The following CELF2 variants were observed in gnomAD, a reference collection of about 807,000 sequenced individuals.
CELF2 encodes CUG triplet repeat RNA-binding protein 2.
In CELF2, 8 loss-of-function variants were observed where a neutral mutation model predicts 62.6. The ratio of observed to expected loss-of-function variants is 0.13; its 90% CI spans 0.07 to 0.23. The LOEUF is 0.23. Among genes scored for constraint, CELF2 ranks in the 10% least tolerant of loss-of-function variants. The pLI, the probability that CELF2 is intolerant of heterozygous loss-of-function variation, is 1.00. For missense variants in CELF2, 333 were observed against 671.0 expected, an observed-to-expected ratio of 0.50 and a Z score of 5.56; for synonymous variants, 258 against 250.0, an observed-to-expected ratio of 1.03 and a Z score of -0.30.
At chr10:11,014,166 A>G (rs1227529481), upstream of CELF2, among the ~76,000 whole-genome samples, 1 of 152,208 alleles carries the variant, frequency 6.6e-6, no homozygotes, top group African/African-American at 2.4e-5. Flanking sequence ...CAAATGTGAT[A>G]GGGGAAAGAT....
intron 1 of CELF2, among the ~76,000 whole-genome samples, chr10:11,054,209 T>C (rs1365443380): frequency 6.6e-6 from 1 of 152,202 alleles, no homozygotes; most frequent in Non-Finnish European, 1.5e-5. Context: ...AGCTGATGCC[T>C]GTTTGTATAG....
chr10:10,522,273 A>T, the CELF2 span, among the ~76,000 whole-genome samples: 1 of 152,174 alleles, frequency 6.6e-6, no homozygotes, highest in African/African-American at 2.4e-5. Flanking sequence ...TTCCTGTTTT[A>T]ATTTTTTATA....
At chr10:10,897,995 G>A (rs1033709651) in intron 1 of CELF2, among the ~76,000 whole-genome samples, 2 of 152,164 alleles carry the variant, frequency 1.3e-5, no homozygotes, top group African/African-American at 2.4e-5. Flanking sequence ...TTCAGTCTTC[G>A]TGGGCTCAGA....
the CELF2 span, among the ~76,000 whole-genome samples, chr10:10,656,556 T>A: frequency 1.5e-5 from 2 of 133,462 alleles, no homozygotes; most frequent in East Asian, 2.0e-4. Context: ...AAATGATGAG[T>A]TCATGTCCTT....
chr10:10,601,501 T>C, the CELF2 span, among the ~76,000 whole-genome samples: 1 of 152,176 alleles, frequency 6.6e-6, no homozygotes, highest in Admixed American at 6.5e-5. Flanking sequence ...CCCTATGACT[T>C]TGGGCCAGGA....
At chr10:11,261,624 C>T (rs1306141248) in intron 5 of CELF2, among the ~76,000 whole-genome samples, 2 of 152,192 alleles carry the variant, frequency 1.3e-5, no homozygotes, top group East Asian at 1.9e-4. Context: ...CTTGAGGCAG[C>T]GTAGCCATAT....
the CELF2 span, among the ~76,000 whole-genome samples, chr10:10,552,118 A>T: frequency 6.6e-6 from 1 of 152,172 alleles, no homozygotes; most frequent in Non-Finnish European, 1.5e-5. Flanking sequence ...CCTCTGACAC[A>T]AGGCTTTTGT....
chr10:10,531,780 ATTGT>A, the CELF2 span, among the ~76,000 whole-genome samples: 1 of 152,184 alleles, frequency 6.6e-6, no homozygotes, highest in Non-Finnish European at 1.5e-5. Flanking sequence ...ACTTTTAGAG[ATTGT>A]TTAATTGGAA....
chr10:10,916,877 T>G (rs544974688), intron 1 of CELF2, among the ~76,000 whole-genome samples: 4 of 151,926 alleles, frequency 2.6e-5, no homozygotes, highest in Admixed American at 1.3e-4. Flanking sequence ...CCTCCCAAAG[T>G]GCTGGGATTA....
At chr10:10,897,872 C>G (rs556362231) in intron 1 of CELF2, among the ~76,000 whole-genome samples, 1 of 152,178 alleles carries the variant, frequency 6.6e-6, no homozygotes, top group Non-Finnish European at 1.5e-5. Flanking sequence ...CAACTACAGA[C>G]ATGTTCTACC....
chr10:11,129,171 G>C (rs902516441), intron 1 of CELF2, among the ~76,000 whole-genome samples: 1 of 152,160 alleles, frequency 6.6e-6, no homozygotes, highest in Non-Finnish European at 1.5e-5. Context: ...TTTATATGAT[G>C]GATTACGTTC....
the CELF2 span, among the ~76,000 whole-genome samples, chr10:10,684,063 T>TG: frequency 2.0e-5 from 3 of 152,200 alleles, no homozygotes; most frequent in Non-Finnish European, 4.4e-5. Flanking sequence ...AATAACACCT[T>TG]GGGGAATTAC....
chr10:10,875,518 A>G (rs143724924), intron 1 of CELF2, among the ~76,000 whole-genome samples: 1 of 152,296 alleles, frequency 6.6e-6, no homozygotes, highest in East Asian at 1.9e-4. Flanking sequence ...AAGTGATGCG[A>G]AGCCATTCAT....
At chr10:10,669,690 AT>A in the CELF2 span, among the ~76,000 whole-genome samples, 1 of 152,130 alleles carries the variant, frequency 6.6e-6, no homozygotes, top group African/African-American at 2.4e-5. Context: ...TGGATTAGTC[AT>A]TTTCACAATA....
chr10:10,830,797 T>C (rs1468927341), intron 1 of CELF2, among the ~76,000 whole-genome samples: 1 of 152,244 alleles, frequency 6.6e-6, no homozygotes, highest in African/African-American at 2.4e-5. Context: ...GCATACTTCC[T>C]GTGTGTTAGT....
chr10:10,746,869 A>G, the CELF2 span, among the ~76,000 whole-genome samples: 3 of 152,242 alleles, frequency 2.0e-5, no homozygotes. Flanking sequence ...CTGCTAAATC[A>G]TATGCCTTCG....
the CELF2 span, among the ~76,000 whole-genome samples, chr10:10,605,469 A>G: frequency 6.6e-6 from 1 of 152,214 alleles, no homozygotes; most frequent in Non-Finnish European, 1.5e-5. Context: ...CTATCCAATA[A>G]GGCTGTAGAT....
At chr10:10,741,505 A>AC in the CELF2 span, among the ~76,000 whole-genome samples, 1 of 151,572 alleles carries the variant, frequency 6.6e-6, no homozygotes, top group South Asian at 2.1e-4. Flanking sequence ...AAAAAAAAAA[A>AC]AAAAAAAAAA....
the CELF2 span, among the ~76,000 whole-genome samples, chr10:10,561,502 C>G: frequency 5.9e-5 from 9 of 152,092 alleles, no homozygotes; most frequent in Non-Finnish European, 1.3e-4. Context: ...ACATTTTAGT[C>G]CTGAGTGATC....
Sources: gnomAD v4.1 joint callset for allele counts (sites outside exome capture counted in the v4.1 genomes callset) on GRCh38, gnomAD v4.1.1 for gene constraint, MANE v1.5 for transcripts, NCBI Gene and HGNC (gene_info 2026-07-23, HGNC 2026-07-21) for gene names.